Variants in QTMAN observed in about 807,000 individuals in gnomAD.
The protein encoded by QTMAN is tRNA-queuosine alpha-mannosyltransferase.
chr2:143,956,300 A>G, the QTMAN span, among the ~76,000 whole-genome samples: 1 of 152,180 alleles, frequency 6.6e-6, no homozygotes, highest in Non-Finnish European at 1.5e-5. Context: ...TGTGAAATTT[A>G]TTTCTAAAGG....
At chr2:144,182,861 A>ATATATATTATATATATATTTTAT in the QTMAN span, among the ~76,000 whole-genome samples, 2 of 66,762 alleles carry the variant, frequency 3.0e-5, no homozygotes, top group African/African-American at 1.7e-4. Flanking sequence ...TTTTATATAT[A>ATATATATTATATATATATTTTAT]ATATATATAT....
the QTMAN span, among the ~76,000 whole-genome samples, chr2:144,202,452 A>C: frequency 3.9e-5 from 6 of 152,216 alleles, no homozygotes; most frequent in African/African-American, 9.6e-5. Context: ...CCATGAAGAC[A>C]CTAAACACTT....
At chr2:144,205,791 G>A in the QTMAN span, among the ~76,000 whole-genome samples, 1 of 152,304 alleles carries the variant, frequency 6.6e-6, no homozygotes, top group South Asian at 2.1e-4. Flanking sequence ...AAGTAGAAAT[G>A]CTTCATCCTG....
chr2:143,982,387 C>T, the QTMAN span, among the ~76,000 whole-genome samples: 23 of 151,624 alleles, frequency 1.5e-4, no homozygotes, highest in Non-Finnish European at 1.9e-4. Context: ...TGCACCACTA[C>T]GCCCAGCTAA....
At chr2:143,970,273 A>G in the QTMAN span, among the ~76,000 whole-genome samples, 2 of 152,230 alleles carry the variant, frequency 1.3e-5, no homozygotes, top group Non-Finnish European at 2.9e-5. Context: ...CACCTAACAG[A>G]TGGTAATATA....
At chr2:144,170,421 G>T in the QTMAN span, among the ~76,000 whole-genome samples, 1 of 152,134 alleles carries the variant, frequency 6.6e-6, no homozygotes, top group African/African-American at 2.4e-5. Context: ...GGTCTCCAAG[G>T]CCCACAGAGG....
At chr2:143,961,099 T>C in the QTMAN span, among the ~76,000 whole-genome samples, 1 of 152,224 alleles carries the variant, frequency 6.6e-6, no homozygotes, top group South Asian at 2.1e-4. Flanking sequence ...TCCAGGACAG[T>C]GTTCATTTCA....
At chr2:144,264,275 GA>G in the QTMAN span, among the ~76,000 whole-genome samples, 8 of 151,742 alleles carry the variant, frequency 5.3e-5, no homozygotes, top group Non-Finnish European at 7.4e-5. Context: ...TTATTGTGGG[GA>G]AAAAAAACTA....
the QTMAN span, among the ~76,000 whole-genome samples, chr2:144,266,986 G>A: frequency 6.6e-6 from 1 of 152,078 alleles, no homozygotes; most frequent in Admixed American, 6.5e-5. Context: ...GAAGGTAAGG[G>A]ACACAGCATA....
At chr2:144,141,899 C>G in the QTMAN span, 1 of 1,610,570 alleles carries the variant, frequency 6.2e-7, no homozygotes, top group South Asian at 1.1e-5. Flanking sequence ...CATCAGGAAA[C>G]CTGATGGGAA....
At chr2:144,119,252 A>G in the QTMAN span, among the ~76,000 whole-genome samples, 92 of 152,324 alleles carry the variant, frequency 6.0e-4, no homozygotes, top group African/African-American at 2.2e-3. Context: ...AATTCAGATT[A>G]CGTGAATCTG....
At chr2:144,255,441 G>T in the QTMAN span, among the ~76,000 whole-genome samples, 1 of 152,124 alleles carries the variant, frequency 6.6e-6, no homozygotes, top group African/African-American at 2.4e-5. Flanking sequence ...TTTCCGCCAT[G>T]GTTGTTTTCC....
the QTMAN span, chr2:143,946,422 G>A: frequency 6.6e-6 from 1 of 152,398 alleles, no homozygotes; most frequent in South Asian, 2.1e-4. Context: ...AAAACCCCCT[G>A]TGCCTGAGAG....
chr2:144,328,428 G>GT, the QTMAN span, among the ~76,000 whole-genome samples: 1 of 152,166 alleles, frequency 6.6e-6, no homozygotes, highest in Non-Finnish European at 1.5e-5. Context: ...TAGTTAAGGT[G>GT]TTTGTCATTA....
the QTMAN span, among the ~76,000 whole-genome samples, chr2:144,022,560 CTTTTTTTT>C: frequency 4.8e-5 from 5 of 104,244 alleles, no homozygotes; most frequent in African/African-American, 2.1e-4. Context: ...CTCTCTCTCT[CTTTTTTTT>C]TTTTTTTTTT....
At chr2:143,982,797 C>T in the QTMAN span, among the ~76,000 whole-genome samples, 7 of 141,984 alleles carry the variant, frequency 4.9e-5, no homozygotes, top group East Asian at 2.1e-4. Context: ...GAGGTTGCAG[C>T]GAGCTGAGAT....
chr2:144,278,656 G>C, the QTMAN span, among the ~76,000 whole-genome samples: 1 of 151,470 alleles, frequency 6.6e-6, no homozygotes, highest in Non-Finnish European at 1.5e-5. Flanking sequence ...CCAAAGCCCT[G>C]GTTCTTTCTA....
the QTMAN span, among the ~76,000 whole-genome samples, chr2:144,033,474 T>G: frequency 6.6e-6 from 1 of 152,204 alleles, no homozygotes; most frequent in African/African-American, 2.4e-5. Context: ...ATGGAGCATC[T>G]ATGCCCTCTC....
At chr2:144,109,186 C>T in the QTMAN span, among the ~76,000 whole-genome samples, 2 of 152,088 alleles carry the variant, frequency 1.3e-5, no homozygotes, top group African/African-American at 2.4e-5. Context: ...GGTACTGGTA[C>T]CAAAACAGAG....
Sources: gnomAD v4.1 joint callset for allele counts (sites outside exome capture counted in the v4.1 genomes callset) on GRCh38, gnomAD v4.1.1 for gene constraint, MANE v1.5 for transcripts, NCBI Gene and HGNC (gene_info 2026-07-23, HGNC 2026-07-21) for gene names.